The following ASB17 variants were observed in gnomAD, a reference collection of about 807,000 sequenced individuals.
ASB17 encodes ankyrin repeat and SOCS box containing 17.
A neutral mutation model predicts 25.7 loss-of-function variants in ASB17; 26 were observed. The observed-to-expected ratio is 1.01, with a 90% confidence interval of 0.74 to 1.40. ASB17 has a LOEUF of 1.40. Among genes scored for constraint, ASB17 ranks in the 40% most tolerant of loss-of-function variants. The pLI is 0.00. For missense variants in ASB17, 326 were observed against 338.5 expected, an observed-to-expected ratio of 0.96 and a Z score of 0.29; for synonymous variants, 128 against 121.4, an observed-to-expected ratio of 1.05 and a Z score of -0.36.
In ASB17 at chr1:75,932,172, A is replaced by T; in HGVS notation, c.120T>A (p.Tyr40Ter). Reference sequence around the variant, plus strand: ...TGTAAATCCTTGGTTCGTAACAGTGATATCCCCACTGACCCAAAAACTGTA... The same window carrying T: ...TGTAAATCCTTGGTTCGTAACAGTGTTATCCCCACTGACCCAAAAACTGTA... ...PSLQFLGQWG[Y>*]HCYEPRIYRS... Residue 40 changes from tyrosine (Y) to a stop codon, truncating the protein, a stop_gained, in exon 1 of 3, where the codon TAT becomes TAA. Coordinates refer to ENST00000284142, the MANE Select transcript of ASB17 (RefSeq NM_080868.3). LOFTEE classifies it high-confidence loss of function. 1 of 1,614,178 alleles carries T rather than the reference A, an allele frequency of 6.2e-7. No individual in the cohort carries two copies. The highest frequency in any genetic ancestry group is 8.5e-7 in the Non-Finnish European group (1 of 1,180,022).
At chr1:75,931,645 G>A (rs893445180) in intron 1 of ASB17, among the ~76,000 whole-genome samples, 11 of 152,082 alleles carry the variant, frequency 7.2e-5, no homozygotes, top group African/African-American at 2.4e-4. Context: ...ATGTTGTTTA[G>A]CACTAACATG....
chr1:75,921,213 A>T (rs956856447), intron 2 of ASB17, among the ~76,000 whole-genome samples: 1 of 152,172 alleles, frequency 6.6e-6, no homozygotes, highest in African/African-American at 2.4e-5. Flanking sequence ...GCAAAAAAAA[A>T]ATTTGTTTTA....
chr1:75,926,009 T>C (rs940296783), intron 1 of ASB17, among the ~76,000 whole-genome samples: 2 of 152,200 alleles, frequency 1.3e-5, no homozygotes, highest in African/African-American at 4.8e-5. Flanking sequence ...TCTAAGTAAG[T>C]ATGCATGGCC....
chr1:75,920,855 A>G (rs1653007006), intron 2 of ASB17, among the ~76,000 whole-genome samples: 1 of 151,920 alleles, frequency 6.6e-6, no homozygotes, highest in Non-Finnish European at 1.5e-5. Context: ...GCTCACTGCA[A>G]GCTCCGCCTC....
At chr1:75,919,192 G>T in intron 2 of ASB17, 34 bp from the exon 3 acceptor site, 1 of 1,479,430 alleles carries the variant, frequency 6.8e-7, no homozygotes, top group Non-Finnish European at 9.3e-7. Flanking sequence ...CTTTTGTAAT[G>T]TTTTGTAATT....
intron 1 of ASB17, among the ~76,000 whole-genome samples, chr1:75,922,621 C>T (rs1256658408): frequency 3.3e-5 from 5 of 150,974 alleles, no homozygotes; most frequent in African/African-American, 7.3e-5. Context: ...CTCAGCCTCC[C>T]GAGTAGCTGG....
intron 1 of ASB17, among the ~76,000 whole-genome samples, chr1:75,928,917 A>C (rs892184994): frequency 6.6e-6 from 1 of 152,228 alleles, no homozygotes; most frequent in African/African-American, 2.4e-5. Context: ...AGAGAATTAA[A>C]GTAAACTACT....
chr1:75,924,515 T>C (rs899147342), intron 1 of ASB17, among the ~76,000 whole-genome samples: 1 of 152,022 alleles, frequency 6.6e-6, no homozygotes, highest in Non-Finnish European at 1.5e-5. Flanking sequence ...GCACTATACA[T>C]ACATATATGT....
chr1:75,927,477 G>C (rs1322306045), intron 1 of ASB17, among the ~76,000 whole-genome samples: 1 of 152,048 alleles, frequency 6.6e-6, no homozygotes, highest in Non-Finnish European at 1.5e-5. Context: ...TTTAGTTTAA[G>C]TTCTCATAAT....
chr1:75,928,886 AG>A (rs1653244127), intron 1 of ASB17, among the ~76,000 whole-genome samples: 1 of 152,238 alleles, frequency 6.6e-6, no homozygotes, highest in South Asian at 2.1e-4. Context: ...GTAAATAAAC[AG>A]GTCAGTGATC....
chr1:75,930,722 C>A (rs1174537993), intron 1 of ASB17, among the ~76,000 whole-genome samples: 2 of 152,084 alleles, frequency 1.3e-5, no homozygotes, highest in African/African-American at 2.4e-5. Context: ...TTCTGTCCAG[C>A]TTTCTCCTCT....
intron 1 of ASB17, among the ~76,000 whole-genome samples, chr1:75,925,127 TA>T (rs1653136128): frequency 6.6e-6 from 1 of 152,134 alleles, no homozygotes; most frequent in Non-Finnish European, 1.5e-5. Context: ...CGCACTCAAA[TA>T]TTTGTTAATT....
At position 75,918,948 on chromosome 1, in the gene ASB17, T is replaced by C; in HGVS notation, c.*4A>G. 1 of 1,601,738 alleles carries C rather than the reference T, an allele frequency of 6.2e-7. No homozygotes were observed. Among genetic ancestry groups the C allele is most frequent in the Non-Finnish European group, 8.6e-7 (1 of 1,168,992 alleles). ...TGTTAAGGAACTTAGGACACTGACG[T>C]ATGTTAGATTTCTAAATTCAGATAG... On this transcript the variant is annotated 3_prime_UTR_variant, in exon 3 of 3. Transcript: ENST00000284142.
At position 75,922,795 on chromosome 1, in the gene ASB17, C is replaced by T. The variant is rs148412481; in HGVS notation, c.402-436G>A. 2.0e-3 allele frequency among the ~76,000 whole-genome samples: 306 copies of T among 152,168 alleles called. 1 individual carries two copies. Among genetic ancestry groups the T allele is most frequent in the African/African-American group, 6.6e-3 (274 of 41,524 alleles). On this transcript the variant is annotated intron_variant, in intron 1 of 2. Coordinates refer to ENST00000284142, the MANE Select transcript of ASB17 (RefSeq NM_080868.3). ...ACAGGCGTGAGCCACTGCACCCAGC[C>T]TATATATTTCTTAAAAGGAGTTTTC...
At chr1:75,921,296 G>A (rs1387664966) in intron 2 of ASB17, among the ~76,000 whole-genome samples, 1 of 152,088 alleles carries the variant, frequency 6.6e-6, no homozygotes, top group Non-Finnish European at 1.5e-5. Context: ...ATTCACTGCT[G>A]AGGCACTGAA....
At chr1:75,923,501 T>G (rs1225383991) in intron 1 of ASB17, among the ~76,000 whole-genome samples, 1 of 152,210 alleles carries the variant, frequency 6.6e-6, no homozygotes. Context: ...AGATTTTCTA[T>G]TAGCAAGCCA....
At position 75,932,201 on chromosome 1, in the gene ASB17, A is replaced by C. The variant is rs1179502452; in HGVS notation, c.91T>G (p.Ser31Ala). The change falls in exon 1 of 3, where the codon TCC (serine) becomes GCC (alanine). Residue 31 changes from serine to alanine, a missense_variant. By Grantham distance (99) the Ser-to-Ala change is moderately conservative (BLOSUM62 1). Transcript: ENST00000284142. ...NLLDKIVKRP[S>A]LQFLGQWGYH... Reference sequence around the variant, plus strand: ...CCCCACTGACCCAAAAACTGTAGGGAGGGTCTTTTAACAATTTTGTCAAGG... The same window carrying C: ...CCCCACTGACCCAAAAACTGTAGGGCGGGTCTTTTAACAATTTTGTCAAGG... The C allele has an allele frequency of 6.2e-7, 1 of 1,613,940 alleles. No individual in the cohort carries two copies. Among genetic ancestry groups the C allele is most frequent in the Non-Finnish European group, 8.5e-7 (1 of 1,179,990 alleles).
At chr1:75,930,670 T>G (rs990753311) in intron 1 of ASB17, among the ~76,000 whole-genome samples, 1 of 152,196 alleles carries the variant, frequency 6.6e-6, no homozygotes, top group African/African-American at 2.4e-5. Context: ...CAGTTGTTAA[T>G]GGCACCCTAT....
rs934002397 is a variant in ASB17 at position 75,922,002 on chromosome 1, ACTGTATT to A, written c.681+71_681+77del. On this transcript the variant is annotated intron_variant, in intron 2 of 2. Transcript: ENST00000284142. ...GACATATTCTATAAATTAAAAATTA[ACTGTATT>A]CTTTCCTTTACAGTTGAATCTTAAG... 9 of 1,236,428 alleles carry A rather than the reference ACTGTATT, an allele frequency of 7.3e-6. No individual in the cohort carries two copies. The African/African-American group carries it at 1.4e-4, about 19-fold the overall frequency. 76.6% of individuals were successfully genotyped at this position (1,236,428 alleles called of 1,614,324 possible). A position where few individuals can be genotyped will look rare whatever the true frequency, so the allele number is the denominator to read the frequency against.
Sources: gnomAD v4.1 joint callset for allele counts (sites outside exome capture counted in the v4.1 genomes callset) on GRCh38, gnomAD v4.1.1 for gene constraint, MANE v1.5 for transcripts, NCBI Gene and HGNC (gene_info 2026-07-23, HGNC 2026-07-21) for gene names.